ZNF667: variants seen among roughly 807,000 people sequenced by gnomAD.
ZNF667 encodes the protein zinc finger protein 667.
In ZNF667, 13 loss-of-function variants were observed where a neutral mutation model predicts 31.8. That is an observed-to-expected ratio of 0.41 (90% CI 0.27 to 0.65). The LOEUF (loss-of-function observed/expected upper bound fraction) is 0.65. Among genes scored for constraint, ZNF667 ranks in the 30% least tolerant of loss-of-function variants. The pLI is 0.32. For missense variants in ZNF667, 642 were observed against 725.6 expected, an observed-to-expected ratio of 0.88 and a Z score of 1.32; for synonymous variants, 228 against 247.1, an observed-to-expected ratio of 0.92 and a Z score of 0.73.
At position 56,469,301 on chromosome 19, in the gene ZNF667, G is replaced by A. The variant is rs142565581; in HGVS notation, c.-60+2398C>T. ...CTGAGGAAGCTCAGGGTCCTGCCTTGTTTTAGCCAGGGTCAGAGGGAAGGG... is the reference window on the plus strand; with the variant it reads ...CTGAGGAAGCTCAGGGTCCTGCCTTATTTTAGCCAGGGTCAGAGGGAAGGG... On this transcript the variant is annotated intron_variant, in intron 3 of 6. Transcript: ENST00000504904. Among the ~76,000 whole-genome samples, 1,095 of 152,300 alleles carry A rather than the reference G, an allele frequency of 7.2e-3. 20 individuals are homozygous for A. The highest frequency in any genetic ancestry group is 0.024 in the African/African-American group (1,014 of 41,556).
In ZNF667 at chr19:56,441,521, T is replaced by C. The variant is rs2042601007; in HGVS notation, c.1474A>G (p.Ile492Val). 1 of 1,614,110 alleles carries C rather than the reference T, an allele frequency of 6.2e-7. No individual in the cohort carries two copies. The highest frequency in any genetic ancestry group is 1.3e-5 in the African/African-American group (1 of 74,922). Residue 492 changes from isoleucine to valine, a missense_variant, in exon 7 of 7, where the codon ATT becomes GTT. Ile to Val is a conservative substitution (Grantham distance 29). Transcript: ENST00000504904. This position sits in a 1 kb window ranked among gnomAD's most constrained non-coding sequence, Gnocchi z 4.2. ...TCATAGGGTCTATCTTCAGTATGAATTCTCTTATGTCGTGTGAGAGATATT... is the reference window on the plus strand; with the variant it reads ...TCATAGGGTCTATCTTCAGTATGAACTCTCTTATGTCGTGTGAGAGATATT... ...HRISLTRHKR[I>V]HTEDRPYECD... is the part of the protein sequence containing the mutation.
intron 3 of ZNF667, among the ~76,000 whole-genome samples, chr19:56,469,408 C>G (rs751944079): frequency 7.0e-4 from 106 of 152,198 alleles, no homozygotes; most frequent in Non-Finnish European, 1.3e-3. Flanking sequence ...CTGTGTTACC[C>G]TGGGCAAGCC....
chr19:56,467,280 T>C (rs1418695954), intron 3 of ZNF667, among the ~76,000 whole-genome samples: 3 of 152,120 alleles, frequency 2.0e-5, no homozygotes, highest in Non-Finnish European at 2.9e-5. Flanking sequence ...ATGGACATCC[T>C]AATCTCCAGA....
At chr19:56,453,048 A>G (rs991264485) in intron 6 of ZNF667, among the ~76,000 whole-genome samples, 1 of 152,206 alleles carries the variant, frequency 6.6e-6, no homozygotes, top group African/African-American at 2.4e-5. Flanking sequence ...AATGATTGCA[A>G]CTGATACTAC....
intron 1 of ZNF667, chr19:56,475,588 G>A (rs2043388726): frequency 6.6e-6 from 1 of 152,046 alleles, no homozygotes; most frequent in Admixed American, 6.5e-5. Flanking sequence ...CAGGGTTGCT[G>A]CACAACATCC....
chr19:56,470,692 CAG>C (rs1202325850), intron 3 of ZNF667, among the ~76,000 whole-genome samples: 2 of 152,104 alleles, frequency 1.3e-5, no homozygotes, highest in Non-Finnish European at 2.9e-5. Context: ...AGAGTGGCCA[CAG>C]GAGTTGGGGA....
intron 1 of ZNF667, chr19:56,474,412 C>T (rs556283655): frequency 3.3e-5 from 5 of 152,244 alleles, no homozygotes; most frequent in Admixed American, 6.5e-5. Context: ...CAGGGACATA[C>T]GTAGGCAATT....
intron 6 of ZNF667, among the ~76,000 whole-genome samples, chr19:56,457,297 G>T (rs912562898): frequency 1.8e-4 from 27 of 151,522 alleles, no homozygotes; most frequent in Non-Finnish European, 3.2e-4. Flanking sequence ...AGAGAGGGCA[G>T]TCTACACCTT....
At chr19:56,458,675 C>A (rs1200869889) in intron 5 of ZNF667, among the ~76,000 whole-genome samples, 2 of 152,154 alleles carry the variant, frequency 1.3e-5, no homozygotes, top group Non-Finnish European at 2.9e-5. Context: ...CTACCTGAAG[C>A]CTCCTTAAAA....
intron 6 of ZNF667, among the ~76,000 whole-genome samples, chr19:56,451,607 A>C (rs1370141465): frequency 1.3e-5 from 2 of 152,034 alleles, no homozygotes; most frequent in Non-Finnish European, 2.9e-5. Flanking sequence ...ACTGGCTCAC[A>C]CCTCTAATCC....
intron 5 of ZNF667, among the ~76,000 whole-genome samples, chr19:56,460,102 C>T (rs1277565135): frequency 6.6e-6 from 1 of 152,052 alleles, no homozygotes; most frequent in Non-Finnish European, 1.5e-5. Context: ...AACATACATC[C>T]ACACAAAAAA....
chr19:56,477,365 C>G (rs1267771625), upstream of ZNF667: 3 of 151,316 alleles, frequency 2.0e-5, no homozygotes, highest in Non-Finnish European at 4.4e-5. Flanking sequence ...ACCCCGGGAC[C>G]GCGCGCTGCA....
intron 4 of ZNF667, 32 bp from the exon 5 acceptor site, chr19:56,460,847 T>C (rs1447510715): frequency 3.9e-6 from 6 of 1,547,420 alleles, no homozygotes; most frequent in Non-Finnish European, 5.2e-6. Flanking sequence ...CTATTCACCA[T>C]GGACTTGTGC....
rs192050790 is a variant in ZNF667, at chr19:56,460,228, C to T, written c.160+461G>A. ...GTGGTCTATCCATACCATACATATT[C>T]TTTGGCAATGAAAAGAAATGAGGTA... On this transcript the variant is annotated intron_variant, in intron 5 of 6. Coordinates refer to ENST00000504904, the MANE Select transcript of ZNF667 (RefSeq NM_001321356.2). Among the ~76,000 whole-genome samples, 116 of 152,276 alleles carry T rather than the reference C, an allele frequency of 7.6e-4. 1 individual carries two copies. Among genetic ancestry groups the T allele is most frequent in the Non-Finnish European group, 1.3e-3 (91 of 68,020 alleles).
chr19:56,471,437 A>T (rs1022304819), intron 3 of ZNF667, among the ~76,000 whole-genome samples: 11 of 152,210 alleles, frequency 7.2e-5, no homozygotes, highest in Non-Finnish European at 1.3e-4. Context: ...TGGGTGAGCC[A>T]GCTCCAGCAC....
chr19:56,447,595 A>G (rs2042732505), intron 6 of ZNF667, among the ~76,000 whole-genome samples: 1 of 151,780 alleles, frequency 6.6e-6, no homozygotes, highest in African/African-American at 2.4e-5. Flanking sequence ...CTCCTTAAAA[A>G]AAAACAAACA....
chr19:56,464,032 A>G (rs575699374), intron 3 of ZNF667, among the ~76,000 whole-genome samples: 2 of 152,312 alleles, frequency 1.3e-5, no homozygotes, highest in African/African-American at 4.8e-5. Flanking sequence ...TTAAGTACAG[A>G]TCAGGTATCT....
upstream of ZNF667, chr19:56,477,778 CG>C (rs1394553707): frequency 2.0e-5 from 3 of 152,466 alleles, no homozygotes; most frequent in African/African-American, 7.2e-5. Context: ...CAGCGTCCTT[CG>C]CCCCCACATT....
intron 6 of ZNF667, among the ~76,000 whole-genome samples, chr19:56,443,860 G>A (rs2042667742): frequency 6.6e-6 from 1 of 152,134 alleles, no homozygotes; most frequent in Admixed American, 6.6e-5. Flanking sequence ...CTACTTGTAT[G>A]GCAAACTGAC....
Sources: allele counts gnomAD v4.1 joint callset (sites outside exome capture counted in the v4.1 genomes callset), GRCh38; gene constraint gnomAD v4.1.1; non-coding constraint Gnocchi (gnomAD v3.1); transcripts MANE v1.5; gene names NCBI Gene and HGNC (gene_info 2026-07-23, HGNC 2026-07-21).